The following MAX variants were observed in gnomAD, a reference collection of about 807,000 sequenced individuals.
MAX encodes protein max.
Under a neutral mutation model 22.3 loss-of-function variants are expected in MAX, and 3 were observed. The observed-to-expected ratio is 0.13, with a 90% CI of 0.06 to 0.35. MAX has a LOEUF of 0.35. MAX is among the 10% of genes least tolerant of loss of function. The pLI is 1.00. For missense variants in MAX, 119 were observed against 209.4 expected (o/e 0.57, Z 2.66); for synonymous variants, 72 against 77.7 (o/e 0.93, Z 0.39).
chr14:65,075,525 A>C lies in MAX; in HGVS notation c.*951T>G. ...AAATCAGTTGGCTCTATTTCTTAGA[A>C]ATACACACGGGAAGAAAGAAAGATT... is the stretch of plus-strand genomic sequence containing the variant. On this transcript the variant is annotated 3_prime_UTR_variant, in exon 5 of 5. Transcript: ENST00000358664. This position sits in a 1 kb window ranked among gnomAD's most constrained non-coding sequence, Gnocchi z 4.1. 9.4e-7 allele frequency: 1 copy of C among 1,065,498 alleles called. No individual in the cohort carries two copies. Among genetic ancestry groups the C allele is most frequent in the Middle Eastern group, 4.2e-4 (1 of 2,396 alleles). The allele number at this position is 1,065,498 out of a possible 1,614,324, so 66.0% of individuals were successfully genotyped here.
chr14:65,099,543 C>CAA (rs2063768777), intron 2 of MAX, among the ~76,000 whole-genome samples: 1 of 136,152 alleles, frequency 7.3e-6, no homozygotes, highest in Non-Finnish European at 1.5e-5. Flanking sequence ...AAAAAACAAA[C>CAA]AAACAAACAA....
At position 65,019,758 on chromosome 14, in the gene MAX, G is replaced by A. The variant is rs3783719; in HGVS notation, c.172-13474C>T. Among the ~76,000 whole-genome samples, 976 of 152,272 alleles carry A rather than the reference G, an allele frequency of 6.4e-3. 17 individuals are homozygous for A. The highest frequency in any genetic ancestry group is 0.044 in the South Asian group (210 of 4,820). On this transcript the variant is annotated intron_variant, in intron 3 of 3. Transcript: ENST00000341653. ...ATGTATTTTGCTTTGTGCCTAGGAG[G>A]TGGTTACTTCTAGGTGCAGAAAACA...
At position 65,088,060 on chromosome 14, in the gene MAX, C is replaced by T. The variant is rs1566614036; in HGVS notation, c.171+5648G>A. On this transcript the variant is annotated intron_variant, in intron 3 of 4. Transcript: ENST00000358664. The surrounding 1 kb of genome is among the most constrained non-coding windows in gnomAD (Gnocchi z 5.2). The stretch of plus-strand genomic sequence containing the variant: ...CCATGTAAGACATGACTTGCTCCTC[C>T]TTGCCTTCGCCATGATTGTGAGGCT... Among the ~76,000 whole-genome samples the T allele has an allele frequency of 6.6e-6, 1 of 152,196 alleles. No homozygotes were observed. Among genetic ancestry groups the T allele is most frequent in the South Asian group, 2.1e-4 (1 of 4,834 alleles).
At position 65,077,182 on chromosome 14, in the gene MAX, CA is replaced by C; in HGVS notation, c.296-520del. Reference sequence around the variant, plus strand: ...ATACACATAAAATACCTGGGCTTTTCAAATAGCCCCTACATGCAGGCTGCCT... The same window carrying C: ...ATACACATAAAATACCTGGGCTTTTCAATAGCCCCTACATGCAGGCTGCCT... On this transcript the variant is annotated intron_variant, in intron 4 of 4. Coordinates refer to ENST00000358664, the MANE Select transcript of MAX (RefSeq NM_002382.5). The surrounding 1 kb of genome is among the most constrained non-coding windows in gnomAD (Gnocchi z 6.3). 1 of 633,262 alleles carries C rather than the reference CA, an allele frequency of 1.6e-6. No homozygotes were observed. Among genetic ancestry groups the C allele is most frequent in the Non-Finnish European group, 2.8e-6 (1 of 357,810 alleles). 39.2% of individuals were successfully genotyped at this position (633,262 alleles called of 1,614,324 possible). A position where few individuals can be genotyped will look rare whatever the true frequency, so the allele number is the denominator to read the frequency against.
rs2062513330 is a variant in MAX, at chr14:65,047,666, A to G, written c.172-41382T>C. Among the ~76,000 whole-genome samples the G allele has an allele frequency of 6.6e-6, 1 of 152,196 alleles. No homozygotes were observed. Among genetic ancestry groups the G allele is most frequent in the Admixed American group, 6.5e-5 (1 of 15,274 alleles). ...GAACACAGCAAGTGCACTGTCAGGA[A>G]TTTACCTGCAGGGATATTAGCAAAG... On this transcript the variant is annotated intron_variant, in intron 3 of 3. Coordinates refer to the MAX transcript ENST00000341653. This position sits in a 1 kb window ranked among gnomAD's most constrained non-coding sequence, Gnocchi z 5.2.
chr14:65,015,823 C>T (rs2061763469), intron 3 of MAX: 1 of 1,306,394 alleles, frequency 7.7e-7, no homozygotes, highest in African/African-American at 1.5e-5. Flanking sequence ...AAAACAGTGC[C>T]ACAAAGAAAT....
intron 3 of MAX, among the ~76,000 whole-genome samples, chr14:65,017,998 A>G (rs1403861810): frequency 1.3e-5 from 2 of 152,248 alleles, no homozygotes; most frequent in Admixed American, 6.5e-5. Flanking sequence ...AAAATAAAAC[A>G]TAAGTCATTT....
chr14:65,013,688 C>T (rs2061720989), intron 3 of MAX, among the ~76,000 whole-genome samples: 2 of 152,162 alleles, frequency 1.3e-5, no homozygotes, highest in Admixed American at 6.5e-5. Context: ...GCCAGGATTA[C>T]AGGTGTGCAC....
chr14:65,102,430 G>A lies in MAX; in HGVS notation c.-91C>T. ...GAAGTCACCGACAACAACAAGCCGA[G>A]TCCCCCCCACACACACACTCACTCA... is the stretch of plus-strand genomic sequence containing the variant. On this transcript the variant is annotated 5_prime_UTR_variant, in exon 1 of 5. Coordinates refer to ENST00000358664, the MANE Select transcript of MAX (RefSeq NM_002382.5). 6.4e-7 allele frequency: 1 copy of A among 1,558,550 alleles called. No individual in the cohort carries two copies. Among genetic ancestry groups the A allele is most frequent in the Non-Finnish European group, 8.7e-7 (1 of 1,154,166 alleles).
chr14:65,099,594 G>C (rs542126803), intron 2 of MAX, among the ~76,000 whole-genome samples: 9 of 151,490 alleles, frequency 5.9e-5, no homozygotes, highest in African/African-American at 2.2e-4. Context: ...TGGGAAGTCA[G>C]TATAATTTCA....
chr14:65,083,991 A>AG (rs764400687), intron 3 of MAX: 4 of 1,472,672 alleles, frequency 2.7e-6, no homozygotes, highest in Non-Finnish European at 2.7e-6. Context: ...CCAGCAAAGG[A>AG]GGCTGGAAGG....
At chr14:65,025,676 G>T (rs144707018) in intron 3 of MAX, among the ~76,000 whole-genome samples, 1 of 152,018 alleles carries the variant, frequency 6.6e-6, no homozygotes, top group African/African-American at 2.4e-5. Flanking sequence ...CTAGCCAGGC[G>T]TGGTGGCTCA....
intron 3 of MAX, among the ~76,000 whole-genome samples, chr14:65,021,366 T>A (rs1346983391): frequency 6.6e-6 from 1 of 152,260 alleles, no homozygotes; most frequent in Non-Finnish European, 1.5e-5. Flanking sequence ...TTCAGTGTTT[T>A]ATCCTTTCCC....
intron 3 of MAX, among the ~76,000 whole-genome samples, chr14:65,024,134 C>T (rs940389311): frequency 2.6e-5 from 4 of 151,918 alleles, no homozygotes; most frequent in Admixed American, 1.3e-4. Context: ...CTCTCAGACC[C>T]ATCTAGTTCT....
At chr14:65,015,845 T>C in intron 3 of MAX, 1 of 1,049,192 alleles carries the variant, frequency 9.5e-7, no homozygotes, top group Non-Finnish European at 1.4e-6. Flanking sequence ...TTTGCTCTTC[T>C]CATGACCTCC....
upstream of MAX, chr14:65,102,588 G>A: frequency 7.0e-7 from 1 of 1,420,042 alleles, no homozygotes; most frequent in East Asian, 2.6e-5. Context: ...GCAGCGCTGG[G>A]GCAGCCGAGA....
Position 65,054,440 on chromosome 14 carries a change from A to C in MAX, c.171+39268T>G, listed in dbSNP as rs73270847. ...GGCTTTAAATAACACTGCTGGGAAA[A>C]CCATGCCTCCTCTAGCCACATGGAG... On this transcript the variant is annotated intron_variant, in intron 3 of 3. Transcript: ENST00000341653. This position sits in a 1 kb window ranked among gnomAD's most constrained non-coding sequence, Gnocchi z 4.4. 0.063 allele frequency: 54,115 copies of C among 857,616 alleles called. 4,312 individuals are homozygous for C. Among genetic ancestry groups the C allele is most frequent in the African/African-American group, 0.34 (20,119 of 59,002 alleles). The allele number at this position is 857,616 out of a possible 1,614,324, so 53.1% of individuals were successfully genotyped here. A position where few individuals can be genotyped will look rare whatever the true frequency, so the allele number is the denominator to read the frequency against.
chr14:65,096,983 C>T (rs934452172), intron 2 of MAX, among the ~76,000 whole-genome samples: 1 of 152,134 alleles, frequency 6.6e-6, no homozygotes. Flanking sequence ...GCCAGAAAAC[C>T]CTTCCTCCAG....
At position 65,044,997 on chromosome 14, in the gene MAX, A is replaced by G. The variant is rs2062443777; in HGVS notation, c.172-38713T>C. Among the ~76,000 whole-genome samples, 1 of 152,212 alleles carries G rather than the reference A, an allele frequency of 6.6e-6. No homozygotes were observed. The highest frequency in any genetic ancestry group is 1.5e-5 in the Non-Finnish European group (1 of 68,042). ...ATTAGAAATGTTTTATTTTACATTC[A>G]TTGAATAAGCCTAAATGGGAGTTTG... On this transcript the variant is annotated intron_variant, in intron 3 of 3. Transcript: ENST00000341653. This position sits in a 1 kb window ranked among gnomAD's most constrained non-coding sequence, Gnocchi z 5.5.
Sources: gnomAD v4.1 joint callset for allele counts (sites outside exome capture counted in the v4.1 genomes callset) on GRCh38, gnomAD v4.1.1 for gene constraint, Gnocchi (gnomAD v3.1) non-coding constraint, MANE v1.5 for transcripts, NCBI Gene and HGNC (gene_info 2026-07-23, HGNC 2026-07-21) for gene names.